Variants in MED13L observed in about 807,000 individuals in gnomAD.
MED13L encodes the protein mediator complex subunit 13L, also known as mediator of RNA polymerase II transcription subunit 13-like.
Under a neutral mutation model 220.9 loss-of-function variants are expected in MED13L, and 7 were observed. The ratio of observed to expected loss-of-function variants is 0.03; its 90% CI spans 0.02 to 0.06. The LOEUF (loss-of-function observed/expected upper bound fraction) is 0.06, where lower values mean the gene tolerates loss of function less well. MED13L is among the 10% of genes least tolerant of loss of function. The pLI is 1.00. For missense variants in MED13L, 1,965 were observed against 2,760.5 expected (o/e 0.71, Z 6.46); for synonymous variants, 1,011 against 1,015.2 (o/e 1.00, Z 0.08).
intron 5 of MED13L, among the ~76,000 whole-genome samples, chr12:116,021,983 C>A (rs1465609224): frequency 6.6e-6 from 1 of 152,128 alleles, no homozygotes; most frequent in African/African-American, 2.4e-5. Context: ...AAGTTAGGAA[C>A]ATCGCTGAAG....
intron 2 of MED13L, among the ~76,000 whole-genome samples, chr12:116,125,131 T>G (rs918374371): frequency 6.6e-6 from 1 of 152,148 alleles, no homozygotes; most frequent in Non-Finnish European, 1.5e-5. Context: ...TAAAAAAAAG[T>G]TAAGTCTGGT....
At chr12:116,220,870 A>ATTTT (rs1883268526) in intron 2 of MED13L, among the ~76,000 whole-genome samples, 1 of 152,140 alleles carries the variant, frequency 6.6e-6, no homozygotes, top group African/African-American at 2.4e-5. Context: ...GGGGGAAAAA[A>ATTTT]CTGTGTGGTT....
intron 4 of MED13L, among the ~76,000 whole-genome samples, chr12:116,046,672 GT>G (rs1438436079): frequency 6.6e-6 from 1 of 152,090 alleles, no homozygotes. Flanking sequence ...AACTAAAAGT[GT>G]TTTTTAAAAG....
chr12:115,990,323 C>T (rs529318840), intron 17 of MED13L, among the ~76,000 whole-genome samples: 2 of 152,290 alleles, frequency 1.3e-5, no homozygotes, highest in South Asian at 4.1e-4. Context: ...TAATAATATG[C>T]GTGCTTGTGT....
chr12:116,111,390 G>C (rs949144572), intron 3 of MED13L, 38 bp downstream of exon 3: 2 of 1,539,238 alleles, frequency 1.3e-6, no homozygotes, highest in African/African-American at 2.7e-5. Flanking sequence ...AATATACTTG[G>C]TTGTCTGCAA....
chr12:115,971,539 T>C (rs1876584417), intron 26 of MED13L, among the ~76,000 whole-genome samples: 1 of 152,178 alleles, frequency 6.6e-6, no homozygotes, highest in African/African-American at 2.4e-5. Flanking sequence ...TCTTAAGAAA[T>C]TCTGTGGCCA....
chr12:116,135,453 T>C (rs1470368128), intron 2 of MED13L, among the ~76,000 whole-genome samples: 1 of 152,200 alleles, frequency 6.6e-6, no homozygotes, highest in Non-Finnish European at 1.5e-5. Flanking sequence ...GCCATTCAAT[T>C]ATACTAGCTT....
At chr12:116,244,529 T>C (rs1224834225) in intron 1 of MED13L, among the ~76,000 whole-genome samples, 2 of 152,082 alleles carry the variant, frequency 1.3e-5, no homozygotes, top group Non-Finnish European at 2.9e-5. Context: ...ATCCTAAACA[T>C]GAAGAAAGAG....
At chr12:116,145,117 T>A (rs917771867) in intron 2 of MED13L, among the ~76,000 whole-genome samples, 3 of 152,206 alleles carry the variant, frequency 2.0e-5, no homozygotes, top group Admixed American at 2.0e-4. Context: ...CAAATTAATA[T>A]CTGCCTCATA....
chr12:115,963,093 A>C (rs914952553), intron 30 of MED13L, among the ~76,000 whole-genome samples: 1 of 152,228 alleles, frequency 6.6e-6, no homozygotes, highest in Non-Finnish European at 1.5e-5. Flanking sequence ...GTGCTTTAAG[A>C]GTTCCAGACA....
At chr12:116,172,189 T>G (rs1879729028) in intron 2 of MED13L, among the ~76,000 whole-genome samples, 1 of 152,148 alleles carries the variant, frequency 6.6e-6, no homozygotes, top group Non-Finnish European at 1.5e-5. Context: ...TTCATATAAG[T>G]TAAAATTCTA....
chr12:116,191,134 C>T (rs558720449), intron 2 of MED13L, among the ~76,000 whole-genome samples: 1 of 151,170 alleles, frequency 6.6e-6, no homozygotes, highest in South Asian at 2.1e-4. Context: ...AAAATCACTG[C>T]TTGGTTCAGT....
chr12:116,218,951 G>T (rs1235899310), intron 2 of MED13L, among the ~76,000 whole-genome samples: 2 of 152,120 alleles, frequency 1.3e-5, no homozygotes, highest in East Asian at 3.9e-4. Flanking sequence ...GCCCAGGCTG[G>T]TCTCAAACTC....
chr12:116,156,860 C>T (rs1264926574), intron 2 of MED13L, among the ~76,000 whole-genome samples: 1 of 152,062 alleles, frequency 6.6e-6, no homozygotes, highest in Non-Finnish European at 1.5e-5. Context: ...TGTGGACACA[C>T]AATGTGGCTC....
intron 2 of MED13L, among the ~76,000 whole-genome samples, chr12:116,125,199 T>A (rs1875472176): frequency 6.6e-6 from 1 of 152,170 alleles, no homozygotes; most frequent in Admixed American, 6.5e-5. Flanking sequence ...AGCCAGGCAA[T>A]GTGGCAGGAG....
At position 115,992,284 on chromosome 12, in the gene MED13L, A is replaced by G. The variant is rs962059383; in HGVS notation, c.2997-327T>C. Among the ~76,000 whole-genome samples the G allele has an allele frequency of 5.9e-5, 9 of 152,328 alleles. No individual in the cohort carries two copies. The East Asian group carries it at 9.7e-4, about 16-fold the overall frequency. On this transcript the variant is annotated intron_variant, in intron 16 of 30. Transcript: ENST00000281928. ...AGAAAACATGGTACTGGGTTTGGTC[A>G]ATGTAATTTGAAAAGTTAACTACTA...
chr12:115,987,012 T>C (rs1877735630), intron 18 of MED13L, 97 bp downstream of exon 18: 2 of 1,255,374 alleles, frequency 1.6e-6, no homozygotes, highest in Admixed American at 2.1e-5. Flanking sequence ...GACTCCCCTA[T>C]TTTGTTAGTG....
intron 4 of MED13L, among the ~76,000 whole-genome samples, chr12:116,039,463 G>A (rs141813581): frequency 2.0e-5 from 3 of 152,290 alleles, no homozygotes; most frequent in African/African-American, 7.2e-5. Context: ...CTACACCAGA[G>A]GCAGGTTTTC....
At chr12:116,275,343 T>G (rs1160017232) in intron 1 of MED13L, among the ~76,000 whole-genome samples, 2 of 152,144 alleles carry the variant, frequency 1.3e-5, no homozygotes, top group African/African-American at 4.8e-5. Context: ...ATCACAATAC[T>G]AAGAGAAAGA....
Sources: gnomAD v4.1 joint callset for allele counts (sites outside exome capture counted in the v4.1 genomes callset) on GRCh38, gnomAD v4.1.1 for gene constraint, MANE v1.5 for transcripts, NCBI Gene and HGNC (gene_info 2026-07-23, HGNC 2026-07-21) for gene names.